Variants in GPM6A observed in about 807,000 individuals in gnomAD.
The protein encoded by GPM6A is glycoprotein M6A.
Under a neutral mutation model 32.1 loss-of-function variants are expected in GPM6A, and 7 were observed. That is an observed-to-expected ratio of 0.22 (90% CI 0.12 to 0.41). The LOEUF is 0.41. Among genes scored for constraint, GPM6A ranks in the 10% least tolerant of loss-of-function variants. The pLI is 1.00. For missense variants in GPM6A, 235 were observed against 347.2 expected (o/e 0.68, Z 2.57); for synonymous variants, 130 against 123.4 (o/e 1.05, Z -0.35).
In GPM6A at chr4:175,735,682, C is replaced by T. The variant is rs2643999; in HGVS notation, c.38-33915G>A. Reference sequence around the variant, plus strand: ...TCAAGTGATTCTCCGGCCTCAGCCTCCTGAGTAGCTGGGATTACAGGCGTG... The same window carrying T: ...TCAAGTGATTCTCCGGCCTCAGCCTTCTGAGTAGCTGGGATTACAGGCGTG... On this transcript the variant is annotated intron_variant, in intron 1 of 6. Coordinates refer to ENST00000393658, the MANE Select transcript of GPM6A (RefSeq NM_201591.3). Among the ~76,000 whole-genome samples the T allele has an allele frequency of 7.6e-3, 1,149 of 152,044 alleles. 9 individuals are homozygous for T. Among genetic ancestry groups the T allele is most frequent in the African/African-American group, 0.026 (1,087 of 41,440 alleles).
chr4:175,793,565 A>T (rs116767614), intron 1 of GPM6A, among the ~76,000 whole-genome samples: 2,868 of 152,038 alleles, frequency 0.019, 67 homozygotes, highest in African/African-American at 0.064. Context: ...TATTAGAGAA[A>T]GGGTTTCGCT....
chr4:175,758,052 G>A (rs1188355341), intron 1 of GPM6A, among the ~76,000 whole-genome samples: 3 of 152,184 alleles, frequency 2.0e-5, no homozygotes, highest in Admixed American at 2.0e-4. Context: ...AAGAAGTTCA[G>A]TTCCTGGAGT....
chr4:175,707,797 A>G (rs929573123), intron 1 of GPM6A, among the ~76,000 whole-genome samples: 1 of 152,142 alleles, frequency 6.6e-6, no homozygotes, highest in Admixed American at 6.6e-5. Flanking sequence ...TGCTTTTACC[A>G]TTAAGTTTGA....
At chr4:175,938,503 GTGA>G (rs1368602452) in intron 1 of GPM6A, among the ~76,000 whole-genome samples, 1 of 152,174 alleles carries the variant, frequency 6.6e-6, no homozygotes, top group African/African-American at 2.4e-5. Context: ...CTAATGACCA[GTGA>G]TGATGAGCTT....
intron 1 of GPM6A, among the ~76,000 whole-genome samples, chr4:175,951,188 G>A (rs916799440): frequency 3.9e-5 from 6 of 152,046 alleles, no homozygotes; most frequent in South Asian, 2.1e-4. Flanking sequence ...AATGAAAAAC[G>A]TCACCTTCTC....
intron 1 of GPM6A, among the ~76,000 whole-genome samples, chr4:175,755,580 T>C (rs567789662): frequency 6.6e-6 from 1 of 152,298 alleles, no homozygotes; most frequent in Admixed American, 6.5e-5. Context: ...TTTTCCTTAA[T>C]GTAAAACTTC....
chr4:175,998,238 C>T (rs539075441), intron 1 of GPM6A, among the ~76,000 whole-genome samples: 51 of 152,100 alleles, frequency 3.4e-4, no homozygotes, highest in African/African-American at 1.2e-3. Context: ...ACTGCAACCT[C>T]TGCCTCATGG....
At chr4:175,816,856 T>C (rs1383817885), upstream of GPM6A, among the ~76,000 whole-genome samples, 1 of 114,234 alleles carries the variant, frequency 8.8e-6, no homozygotes, top group African/African-American at 3.5e-5. Context: ...TTCTTTTCTT[T>C]TTTTTATTTT....
chr4:175,880,202 T>G (rs554646098), intron 1 of GPM6A, among the ~76,000 whole-genome samples: 9 of 152,162 alleles, frequency 5.9e-5, no homozygotes, highest in Non-Finnish European at 1.3e-4. Flanking sequence ...GTTGTAGATG[T>G]GTGGTATTAT....
chr4:175,744,811 A>G (rs1438174845), intron 1 of GPM6A, among the ~76,000 whole-genome samples: 3 of 152,176 alleles, frequency 2.0e-5, no homozygotes, highest in Non-Finnish European at 4.4e-5. Context: ...TGAAATTAAA[A>G]TACATCTCCC....
chr4:175,770,603 C>T (rs758402398), intron 1 of GPM6A, among the ~76,000 whole-genome samples: 9 of 152,150 alleles, frequency 5.9e-5, no homozygotes, highest in Admixed American at 3.3e-4. Context: ...CTTCCTTCAG[C>T]ATTGCACATG....
intron 1 of GPM6A, among the ~76,000 whole-genome samples, chr4:175,716,846 T>G (rs959092167): frequency 6.6e-6 from 1 of 152,214 alleles, no homozygotes; most frequent in African/African-American, 2.4e-5. Context: ...TAATAAAATT[T>G]TCCATGATTT....
chr4:175,640,934 T>C lies in GPM6A; in HGVS notation c.542-105A>G, dbSNP rs1475535949. Reference sequence around the variant, plus strand: ...TCAAATCTAAGCAAGTTCCATTTTATCTTATGTTATGTTACAGTGGAAAAA... The same window carrying C: ...TCAAATCTAAGCAAGTTCCATTTTACCTTATGTTATGTTACAGTGGAAAAA... On this transcript the variant is annotated intron_variant, in intron 4 of 6. Coordinates refer to ENST00000393658, the MANE Select transcript of GPM6A (RefSeq NM_201591.3). The C allele has an allele frequency of 1.0e-5, 7 of 689,634 alleles. 1 individual carries two copies. The African/African-American group carries it at 1.1e-4, about 11-fold the overall frequency. The allele number at this position is 689,634 out of a possible 1,614,324, so 42.7% of individuals were successfully genotyped here.
chr4:175,891,102 T>C (rs1006136540), intron 1 of GPM6A, among the ~76,000 whole-genome samples: 3 of 152,196 alleles, frequency 2.0e-5, no homozygotes, highest in Non-Finnish European at 2.9e-5. Context: ...AATATTCTTC[T>C]ACTTAACATA....
At chr4:175,994,690 T>C (rs1579695113) in intron 1 of GPM6A, among the ~76,000 whole-genome samples, 1 of 152,190 alleles carries the variant, frequency 6.6e-6, no homozygotes, top group Non-Finnish European at 1.5e-5. Context: ...CTGAAGGTGG[T>C]TGGGCAATTT....
rs1740429260 is a variant in GPM6A, at chr4:175,633,781, T to C, written c.*1124A>G. ...TAAAAACACAAATATATCACTACAC[T>C]TTCAAACAATACATTCTATAGGGGC... is the stretch of plus-strand genomic sequence containing the variant. On this transcript the variant is annotated 3_prime_UTR_variant, in exon 7 of 7. Transcript: ENST00000393658. The C allele has an allele frequency of 6.6e-6, 1 of 152,496 alleles. No homozygotes were observed. Among genetic ancestry groups the C allele is most frequent in the Non-Finnish European group, 1.5e-5 (1 of 67,962 alleles). 9.4% of individuals were successfully genotyped at this position (152,496 alleles called of 1,614,324 possible).
intron 1 of GPM6A, among the ~76,000 whole-genome samples, chr4:175,710,934 A>C (rs1333979773): frequency 6.6e-6 from 1 of 152,102 alleles, no homozygotes; most frequent in Non-Finnish European, 1.5e-5. Context: ...CTGTATTACC[A>C]GGACACCCAA....
chr4:175,932,469 C>T (rs973087320), intron 1 of GPM6A, among the ~76,000 whole-genome samples: 36 of 152,160 alleles, frequency 2.4e-4, no homozygotes, highest in African/African-American at 8.4e-4. Flanking sequence ...TTCCATCCTC[C>T]GTTACCGCGA....
intron 1 of GPM6A, among the ~76,000 whole-genome samples, chr4:175,932,451 C>A (rs566944886): frequency 1.3e-5 from 2 of 152,328 alleles, no homozygotes; most frequent in African/African-American, 4.8e-5. Flanking sequence ...GCGCCTTGAT[C>A]TCGGACTTTC....
Sources: allele counts gnomAD v4.1 joint callset (sites outside exome capture counted in the v4.1 genomes callset), GRCh38; gene constraint gnomAD v4.1.1; transcripts MANE v1.5; gene names NCBI Gene and HGNC (gene_info 2026-07-23, HGNC 2026-07-21).